FSTL4: variants seen among roughly 807,000 people sequenced by gnomAD.
FSTL4 encodes the protein follistatin like 4, also known as follistatin-related protein 4.
In FSTL4, 28 loss-of-function variants were observed where a neutral mutation model predicts 78.2. The ratio of observed to expected loss-of-function variants is 0.36; its 90% CI spans 0.27 to 0.49. The LOEUF (loss-of-function observed/expected upper bound fraction) is 0.49. Ranked by LOEUF, FSTL4 falls within the 20% of genes least tolerant of loss-of-function variation. The pLI is 0.98. For synonymous variants in FSTL4, 422 were observed against 440.5 expected (o/e 0.96, Z 0.53); for missense variants, 922 against 1,084.9 (o/e 0.85, Z 2.11).
At chr5:133,258,130 G>A (rs1436968085) in intron 6 of FSTL4, among the ~76,000 whole-genome samples, 2 of 152,092 alleles carry the variant, frequency 1.3e-5, no homozygotes, top group Non-Finnish European at 2.9e-5. Context: ...TGACTATTTC[G>A]TGGCCTCTCT....
the FSTL4 span, among the ~76,000 whole-genome samples, chr5:133,670,232 T>A: frequency 6.6e-6 from 1 of 152,224 alleles, no homozygotes; most frequent in Non-Finnish European, 1.5e-5. Flanking sequence ...TTAATATGAA[T>A]TGAACTGGTA....
chr5:133,427,675 C>T (rs746337852), intron 3 of FSTL4: 2 of 525,556 alleles, frequency 3.8e-6, no homozygotes, highest in Non-Finnish European at 7.9e-6. Flanking sequence ...GAGGCAGGGT[C>T]TAGGAATGTG....
chr5:133,220,734 G>A lies in FSTL4; in HGVS notation c.1458+14C>T. 3 of 1,317,298 alleles carry A rather than the reference G, an allele frequency of 2.3e-6. No homozygotes were observed. The highest frequency in any genetic ancestry group is 1.4e-5 in the African/African-American group (1 of 69,488). 81.6% of individuals were successfully genotyped at this position (1,317,298 alleles called of 1,614,324 possible). On this transcript the variant is annotated intron_variant, in intron 12 of 15. Coordinates refer to ENST00000265342, the MANE Select transcript of FSTL4 (RefSeq NM_015082.2). ...GTGTATGATGTAGAAGCTGCCCCAG[G>A]CACAGTTACTTACATAGCTCATGAA...
At position 133,225,793 on chromosome 5, in the gene FSTL4, C is replaced by A; in HGVS notation, c.1042G>T (p.Glu348Ter). 9 of 1,600,646 alleles carry A rather than the reference C, an allele frequency of 5.6e-6. No homozygotes were observed. The highest frequency in any genetic ancestry group is 7.7e-6 in the Non-Finnish European group (9 of 1,173,892). The change falls in exon 9 of 16, where the codon GAG (glutamate) becomes TAG (stop). Residue 348 changes from glutamate to a stop codon, truncating the protein, a stop_gained. Coordinates refer to ENST00000265342, the MANE Select transcript of FSTL4 (RefSeq NM_015082.2). LOFTEE classifies it high-confidence loss of function. This position sits in a 1 kb window ranked among gnomAD's most constrained non-coding sequence, Gnocchi z 4.6. Reference protein sequence around the residue: ...NVPPVIRVYPESQAQEPGVAA... With the variant: ...NVPPVIRVYP ...ACTCCAGGCTCCTGTGCCTGGCTCT[C>A]TGGATAGACACGGATGACTGGCGGC...
At chr5:133,377,845 A>G (rs1367169912) in intron 4 of FSTL4, among the ~76,000 whole-genome samples, 3 of 152,228 alleles carry the variant, frequency 2.0e-5, no homozygotes, top group African/African-American at 7.2e-5. Flanking sequence ...GGTGCACTCT[A>G]CTAAAAATAT....
chr5:133,722,291 T>C, the FSTL4 span, among the ~76,000 whole-genome samples: 2 of 152,142 alleles, frequency 1.3e-5, no homozygotes, highest in Non-Finnish European at 2.9e-5. Context: ...GAGGTGGAAG[T>C]GTCATCCCAA....
At chr5:133,729,952 G>A in the FSTL4 span, among the ~76,000 whole-genome samples, 1 of 152,084 alleles carries the variant, frequency 6.6e-6, no homozygotes, top group African/African-American at 2.4e-5. Flanking sequence ...TCTCATTCTG[G>A]ACTCACCAAA....
chr5:133,336,895 G>A (rs1754475211), intron 4 of FSTL4, among the ~76,000 whole-genome samples: 2 of 152,180 alleles, frequency 1.3e-5, no homozygotes, highest in South Asian at 4.1e-4. Flanking sequence ...GTGTACCCCG[G>A]GGCAGGGGCT....
chr5:133,246,380 G>C (rs960612047), intron 7 of FSTL4, among the ~76,000 whole-genome samples: 2 of 152,224 alleles, frequency 1.3e-5, no homozygotes, highest in African/African-American at 4.8e-5. Context: ...GCCCCCTTCA[G>C]CCTGATTTCT....
At chr5:133,226,020 C>T in intron 8 of FSTL4, 1 of 417,020 alleles carries the variant, frequency 2.4e-6, no homozygotes, top group East Asian at 3.6e-5. Flanking sequence ...AGATAATAAA[C>T]ATGTCAGACT....
intron 4 of FSTL4, chr5:133,387,972 T>A (rs1038207871): frequency 6.6e-6 from 1 of 152,214 alleles, no homozygotes; most frequent in Non-Finnish European, 1.5e-5. Context: ...CTGCATGAGG[T>A]TTGTTCTGGG....
At chr5:133,392,379 G>C (rs193136876) in intron 4 of FSTL4, among the ~76,000 whole-genome samples, 15 of 152,318 alleles carry the variant, frequency 9.8e-5, no homozygotes, top group African/African-American at 3.6e-4. Context: ...CGGAGAGTCA[G>C]AGGGATGGGG....
At chr5:133,381,415 G>T (rs1755567010) in intron 4 of FSTL4, among the ~76,000 whole-genome samples, 1 of 152,236 alleles carries the variant, frequency 6.6e-6, no homozygotes, top group Non-Finnish European at 1.5e-5. Flanking sequence ...CCGCAGCATG[G>T]TTCCATTTAT....
At chr5:133,209,803 C>G (rs1750644657) in intron 14 of FSTL4, 2 of 189,622 alleles carry the variant, frequency 1.1e-5, no homozygotes, top group Admixed American at 1.1e-4. Flanking sequence ...GATATAATTG[C>G]TGCTGCTTCT....
the FSTL4 span, among the ~76,000 whole-genome samples, chr5:133,691,186 G>A: frequency 6.6e-6 from 1 of 152,160 alleles, no homozygotes; most frequent in Non-Finnish European, 1.5e-5. Context: ...AGAGAAAAAT[G>A]CAGTACTTTT....
intron 6 of FSTL4, among the ~76,000 whole-genome samples, chr5:133,253,335 C>T (rs552853811): frequency 6.6e-6 from 1 of 152,368 alleles, no homozygotes; most frequent in East Asian, 1.9e-4. Context: ...GCCCCCAGGC[C>T]TGGCTCTGCT....
intron 3 of FSTL4, among the ~76,000 whole-genome samples, chr5:133,403,474 T>C (rs187924634): frequency 3.3e-4 from 50 of 152,344 alleles, no homozygotes; most frequent in African/African-American, 1.2e-3. Context: ...GTGCTAGGCC[T>C]TGCTCCTCGT....
At chr5:133,241,181 C>T (rs938196111) in intron 7 of FSTL4, among the ~76,000 whole-genome samples, 2 of 152,232 alleles carry the variant, frequency 1.3e-5, no homozygotes, top group African/African-American at 2.4e-5. Flanking sequence ...GGCTTCATCA[C>T]TTGGCTGACT....
upstream of FSTL4, among the ~76,000 whole-genome samples, chr5:133,613,656 C>A (rs1185177360): frequency 6.6e-6 from 1 of 152,218 alleles, no homozygotes; most frequent in South Asian, 2.1e-4. Context: ...AATGGGCCAG[C>A]GCGGTCTTGG....
Sources: gnomAD v4.1 joint callset for allele counts (sites outside exome capture counted in the v4.1 genomes callset) on GRCh38, gnomAD v4.1.1 for gene constraint, Gnocchi (gnomAD v3.1) non-coding constraint, MANE v1.5 for transcripts, NCBI Gene and HGNC (gene_info 2026-07-23, HGNC 2026-07-21) for gene names.